GRIN2A: variants seen among roughly 807,000 people sequenced by gnomAD.
GRIN2A encodes glutamate receptor ionotropic, NMDA 2A.
Under a neutral mutation model 113.4 loss-of-function variants are expected in GRIN2A, and 22 were observed. The ratio of observed to expected loss-of-function variants is 0.19; its 90% confidence interval spans 0.14 to 0.28. The LOEUF is 0.28. GRIN2A is among the 10% of genes least tolerant of loss of function. The pLI is 1.00. For missense variants in GRIN2A, 1,502 were observed against 1,887.0 expected (o/e 0.80, Z 3.78); for synonymous variants, 827 against 738.4 (o/e 1.12, Z -1.94).
intron 2 of GRIN2A, among the ~76,000 whole-genome samples, chr16:9,967,424 G>T (rs971988716): frequency 5.9e-5 from 9 of 152,166 alleles, no homozygotes; most frequent in Non-Finnish European, 1.3e-4. Flanking sequence ...TGATACAATG[G>T]GCCGGGCACA....
chr16:9,898,899 C>T (rs532198322), intron 3 of GRIN2A, among the ~76,000 whole-genome samples: 1 of 151,558 alleles, frequency 6.6e-6, no homozygotes, highest in Admixed American at 6.6e-5. Context: ...TTAACTATTC[C>T]CTCATGGGCG....
chr16:9,968,001 T>A (rs1360680180), intron 2 of GRIN2A, among the ~76,000 whole-genome samples: 1 of 152,148 alleles, frequency 6.6e-6, no homozygotes, highest in Non-Finnish European at 1.5e-5. Context: ...TCATACAGTG[T>A]TTCATTATTT....
At chr16:10,089,931 C>A (rs1190803590) in intron 2 of GRIN2A, among the ~76,000 whole-genome samples, 1 of 152,012 alleles carries the variant, frequency 6.6e-6, no homozygotes, top group African/African-American at 2.4e-5. Flanking sequence ...CATATCAGAG[C>A]ATATCAAAAC....
At chr16:10,083,194 G>C (rs1220233631) in intron 2 of GRIN2A, among the ~76,000 whole-genome samples, 1 of 152,224 alleles carries the variant, frequency 6.6e-6, no homozygotes, top group South Asian at 2.1e-4. Flanking sequence ...AGCTACAGTA[G>C]AGACAATGCA....
At chr16:9,856,236 TAGTC>T (rs561446862) in intron 4 of GRIN2A, among the ~76,000 whole-genome samples, 310 of 152,314 alleles carry the variant, frequency 2.0e-3, no homozygotes, top group African/African-American at 6.0e-3. Context: ...AATTTAAACT[TAGTC>T]AGTGAAAACC....
At chr16:10,041,588 T>C (rs1359361511) in intron 2 of GRIN2A, among the ~76,000 whole-genome samples, 1 of 152,152 alleles carries the variant, frequency 6.6e-6, no homozygotes, top group Non-Finnish European at 1.5e-5. Context: ...ACGGGGTCAT[T>C]TAATGTCTCC....
chr16:10,131,839 C>A (rs1429667239), intron 2 of GRIN2A, among the ~76,000 whole-genome samples: 1 of 152,120 alleles, frequency 6.6e-6, no homozygotes, highest in African/African-American at 2.4e-5. Context: ...AGTGGCAAAA[C>A]AGGAAGAGTA....
chr16:10,178,268 C>T (rs1369811419), intron 2 of GRIN2A, among the ~76,000 whole-genome samples: 1 of 152,176 alleles, frequency 6.6e-6, no homozygotes, highest in Non-Finnish European at 1.5e-5. Flanking sequence ...GCTCTCCATG[C>T]TCAGCCCCTC....
intron 2 of GRIN2A, among the ~76,000 whole-genome samples, chr16:10,105,880 C>G (rs1318725534): frequency 6.6e-6 from 1 of 152,184 alleles, no homozygotes; most frequent in East Asian, 1.9e-4. Flanking sequence ...GCACGCCAGC[C>G]TCGGTGACAA....
intron 2 of GRIN2A, among the ~76,000 whole-genome samples, chr16:10,046,314 T>C (rs2047256336): frequency 7.0e-6 from 1 of 143,546 alleles, no homozygotes; most frequent in Non-Finnish European, 1.5e-5. Flanking sequence ...AAGGATGAAA[T>C]ACATTTTTAA....
At chr16:9,850,147 C>T (rs1314130138) in intron 4 of GRIN2A, among the ~76,000 whole-genome samples, 186 bp from the exon 5 acceptor site, 1 of 152,178 alleles carries the variant, frequency 6.6e-6, no homozygotes, top group African/African-American at 2.4e-5. Context: ...TAGGGCAGTT[C>T]TCCATCCCAG....
At chr16:9,977,242 T>A (rs2045792597) in intron 2 of GRIN2A, among the ~76,000 whole-genome samples, 1 of 144,382 alleles carries the variant, frequency 6.9e-6, no homozygotes, top group Admixed American at 7.1e-5. Flanking sequence ...CAGTGAGCCA[T>A]GACTGTGTCA....
intron 2 of GRIN2A, among the ~76,000 whole-genome samples, chr16:10,153,384 G>C (rs187770691): frequency 1.5e-3 from 234 of 152,278 alleles, no homozygotes; most frequent in African/African-American, 5.5e-3. Context: ...GTGCTGGGGG[G>C]ACTCTACGAA....
At chr16:9,791,516 G>A (rs559095373) in intron 11 of GRIN2A, among the ~76,000 whole-genome samples, 8 of 152,252 alleles carry the variant, frequency 5.3e-5, no homozygotes, top group East Asian at 3.9e-4. Context: ...GGGATACGCC[G>A]TCCTCAGAAT....
At chr16:9,871,931 C>T (rs925864568) in intron 4 of GRIN2A, among the ~76,000 whole-genome samples, 26 of 152,104 alleles carry the variant, frequency 1.7e-4, no homozygotes, top group African/African-American at 3.9e-4. Flanking sequence ...GCATGGGCTT[C>T]GGAGTCAGAC....
intron 2 of GRIN2A, among the ~76,000 whole-genome samples, chr16:10,049,779 C>G (rs1307374669): frequency 6.6e-6 from 1 of 152,148 alleles, no homozygotes; most frequent in African/African-American, 2.4e-5. Flanking sequence ...TTGTCTGTCT[C>G]TCCTGATTAA....
intron 2 of GRIN2A, among the ~76,000 whole-genome samples, chr16:10,148,651 G>C (rs535983569): frequency 6.6e-6 from 1 of 152,120 alleles, no homozygotes; most frequent in Non-Finnish European, 1.5e-5. Context: ...CATCCAGCAC[G>C]TTAACTATAC....
chr16:10,040,384 C>T (rs1469774245), intron 2 of GRIN2A, among the ~76,000 whole-genome samples: 2 of 151,618 alleles, frequency 1.3e-5, no homozygotes, highest in African/African-American at 4.9e-5. Flanking sequence ...ACACATACAT[C>T]CACACCACAA....
At chr16:9,903,787 C>G (rs1335386251) in intron 3 of GRIN2A, among the ~76,000 whole-genome samples, 5 of 152,196 alleles carry the variant, frequency 3.3e-5, no homozygotes, top group African/African-American at 7.2e-5. Context: ...CCACTCAGGA[C>G]TAATTTTAAA....
Sources: allele counts gnomAD v4.1 joint callset (sites outside exome capture counted in the v4.1 genomes callset), GRCh38; gene constraint gnomAD v4.1.1; transcripts MANE v1.5; gene names NCBI Gene and HGNC (gene_info 2026-07-23, HGNC 2026-07-21).